SNTG1: variants seen among roughly 807,000 people sequenced by gnomAD.
SNTG1 encodes the protein syntrophin gamma 1.
Under a neutral mutation model 74.7 loss-of-function variants are expected in SNTG1, and 39 were observed. The observed-to-expected ratio is 0.52, with a 90% CI of 0.40 to 0.68. SNTG1 has a LOEUF of 0.68. Ranked by LOEUF, SNTG1 falls within the 30% of genes least tolerant of loss-of-function variation. The pLI, the probability that SNTG1 is intolerant of heterozygous loss-of-function variation, is 0.00. For missense variants in SNTG1, 685 were observed against 609.5 expected, an observed-to-expected ratio of 1.12 and a Z score of -1.30; for synonymous variants, 254 against 217.1, an observed-to-expected ratio of 1.17 and a Z score of -1.49.
chr8:50,699,062 T>C (rs903437688), intron 15 of SNTG1, among the ~76,000 whole-genome samples: 1 of 152,162 alleles, frequency 6.6e-6, no homozygotes, highest in Non-Finnish European at 1.5e-5. Flanking sequence ...AGGTGGATCT[T>C]AATCAATTAG....
intron 1 of SNTG1, among the ~76,000 whole-genome samples, chr8:50,023,390 T>C (rs1436512805): frequency 6.6e-6 from 1 of 152,114 alleles, no homozygotes; most frequent in East Asian, 1.9e-4. Context: ...TTAATCCTCA[T>C]CAAGAAGGGC....
chr8:50,569,232 A>T (rs990866083), intron 12 of SNTG1, among the ~76,000 whole-genome samples: 3 of 152,190 alleles, frequency 2.0e-5, no homozygotes, highest in African/African-American at 7.2e-5. Context: ...AATACGGAAG[A>T]TGTATTAATT....
At chr8:50,320,730 C>T (rs377387116) in intron 2 of SNTG1, among the ~76,000 whole-genome samples, 9 of 151,944 alleles carry the variant, frequency 5.9e-5, no homozygotes, top group African/African-American at 1.9e-4. Flanking sequence ...CCATTTGTTT[C>T]GAGAAATTTT....
intron 1 of SNTG1, among the ~76,000 whole-genome samples, chr8:50,077,443 A>G (rs1821993489): frequency 6.6e-6 from 1 of 152,136 alleles, no homozygotes; most frequent in African/African-American, 2.4e-5. Context: ...TGAGGATAAC[A>G]CTGAATTCAA....
chr8:50,480,365 G>A (rs908225667), intron 8 of SNTG1, among the ~76,000 whole-genome samples: 1 of 152,014 alleles, frequency 6.6e-6, no homozygotes, highest in African/African-American at 2.4e-5. Flanking sequence ...ATGGGGCATT[G>A]TCATTCGATG....
intron 1 of SNTG1, among the ~76,000 whole-genome samples, chr8:50,091,079 T>C (rs1018720916): frequency 6.6e-6 from 1 of 152,150 alleles, no homozygotes; most frequent in African/African-American, 2.4e-5. Context: ...ATAAACATAG[T>C]GGCATAGATA....
At chr8:50,175,705 A>C (rs937126176) in intron 2 of SNTG1, among the ~76,000 whole-genome samples, 2 of 152,220 alleles carry the variant, frequency 1.3e-5, no homozygotes, top group Non-Finnish European at 2.9e-5. Flanking sequence ...GGAGAAAGGC[A>C]GTTGTAAGGA....
chr8:50,517,463 G>T (rs554793268), intron 9 of SNTG1, among the ~76,000 whole-genome samples: 2 of 151,948 alleles, frequency 1.3e-5, no homozygotes, highest in Non-Finnish European at 1.5e-5. Flanking sequence ...ATGTAAATGG[G>T]CTAAATGCCC....
chr8:50,083,474 C>A (rs1822594228), intron 1 of SNTG1, among the ~76,000 whole-genome samples: 1 of 152,102 alleles, frequency 6.6e-6, no homozygotes, highest in Admixed American at 6.6e-5. Flanking sequence ...TAAGCAAAGC[C>A]TTTTAATTAA....
chr8:50,784,581 A>G (rs1244463212), intron 18 of SNTG1, among the ~76,000 whole-genome samples: 3 of 152,180 alleles, frequency 2.0e-5, no homozygotes, highest in Non-Finnish European at 4.4e-5. Context: ...AGGTACCACC[A>G]ATTAGTTGTA....
intron 3 of SNTG1, among the ~76,000 whole-genome samples, chr8:50,398,673 T>C (rs943652216): frequency 2.6e-5 from 4 of 152,200 alleles, no homozygotes; most frequent in African/African-American, 9.7e-5. Context: ...ACGCCTGTAA[T>C]CCCAGCACTT....
rs1174579761 is a variant in SNTG1 at position 50,125,250 on chromosome 8, G to A, written c.-102-47311G>A. On this transcript the variant is annotated intron_variant, in intron 1 of 18. Transcript: ENST00000642720. ...CCTCTAAATGTGAAATTAAATCCCA[G>A]CTAAGAATATAAGCCATTATTTAAA... Among the ~76,000 whole-genome samples, 2 of 142,284 alleles carry A rather than the reference G, an allele frequency of 1.4e-5. 1 individual carries two copies. Among genetic ancestry groups the A allele is most frequent in the Non-Finnish European group, 3.1e-5 (2 of 63,850 alleles). The allele number at this position is 142,284 out of a possible 152,430, so 93.3% of individuals were successfully genotyped here.
chr8:49,949,555 A>G (rs940948588), intron 1 of SNTG1, among the ~76,000 whole-genome samples: 2 of 152,170 alleles, frequency 1.3e-5, no homozygotes, highest in South Asian at 2.1e-4. Context: ...CCTGGCCTTC[A>G]TGTAGCTCAT....
chr8:49,997,360 A>G (rs988234604), intron 1 of SNTG1, among the ~76,000 whole-genome samples: 1 of 152,074 alleles, frequency 6.6e-6, no homozygotes, highest in Non-Finnish European at 1.5e-5. Context: ...CCATAAGTAT[A>G]TAAATATATT....
rs1008301090 is a variant in SNTG1 at position 50,293,417 on chromosome 8, CT to C, written c.-27-100784del. Among the ~76,000 whole-genome samples the C allele has an allele frequency of 2.9e-3, 338 of 118,580 alleles. 7 individuals are homozygous for C. The highest frequency in any genetic ancestry group is 1.2e-3 in the Non-Finnish European group (64 of 55,124). The allele number at this position is 118,580 out of a possible 152,430, so 77.8% of individuals were successfully genotyped here. ...TTAGTAGGCTTCTTTTTTTTTTTTT[CT>C]TTTTTTTTTTAGACTGAGTCTTGCT... On this transcript the variant is annotated intron_variant, in intron 2 of 18. Transcript: ENST00000642720.
rs557883282 is a variant in SNTG1, at chr8:50,359,833, T to C, written c.-27-34379T>C. On this transcript the variant is annotated intron_variant, in intron 2 of 18. Coordinates refer to ENST00000642720, the MANE Select transcript of SNTG1 (RefSeq NM_018967.5). ...TCTGCTTTCTGTTTGCATCTTTCAA[T>C]ACTTATTTCACATTTAAGCTTCTAG... Among the ~76,000 whole-genome samples the C allele has an allele frequency of 6.2e-4, 95 of 152,338 alleles. 1 individual carries two copies. Among genetic ancestry groups the C allele is most frequent in the African/African-American group, 2.0e-3 (85 of 41,578 alleles).
intron 1 of SNTG1, among the ~76,000 whole-genome samples, chr8:50,124,437 G>A (rs543957995): frequency 7.0e-6 from 1 of 142,322 alleles, no homozygotes; most frequent in East Asian, 2.0e-4. Context: ...TAGATGTAAT[G>A]AATCATTGTT....
intron 2 of SNTG1, among the ~76,000 whole-genome samples, chr8:50,389,686 T>A (rs2092627140): frequency 6.6e-6 from 1 of 152,174 alleles, no homozygotes; most frequent in Admixed American, 6.5e-5. Context: ...TTGAACTAGT[T>A]TACAGTCCCA....
chr8:50,217,508 C>T (rs746499925), intron 2 of SNTG1, among the ~76,000 whole-genome samples: 3 of 151,980 alleles, frequency 2.0e-5, no homozygotes, highest in Non-Finnish European at 2.9e-5. Context: ...TACCTTAAGT[C>T]TGTATACTGA....
Sources: allele counts gnomAD v4.1 joint callset (sites outside exome capture counted in the v4.1 genomes callset), GRCh38; gene constraint gnomAD v4.1.1; transcripts MANE v1.5; gene names NCBI Gene and HGNC (gene_info 2026-07-23, HGNC 2026-07-21).